The following CHRM3 variants were observed in gnomAD, a reference collection of about 807,000 sequenced individuals.
CHRM3 encodes muscarinic acetylcholine receptor M3.
CHRM3 carries 11 observed loss-of-function variants against 41.8 expected under a neutral mutation model. The observed-to-expected ratio is 0.26, with a 90% confidence interval of 0.17 to 0.44. The LOEUF (loss-of-function observed/expected upper bound fraction) is 0.44, where lower values mean the gene tolerates loss of function less well. CHRM3 is among the 20% of genes least tolerant of loss of function. The pLI is 1.00. For missense variants in CHRM3, 571 were observed against 745.4 expected (o/e 0.77, Z 2.72); for synonymous variants, 297 against 301.4 (o/e 0.99, Z 0.15).
intron 5 of CHRM3, among the ~76,000 whole-genome samples, chr1:239,826,170 AATGGTTAAC>A (rs1264511902): frequency 6.6e-6 from 1 of 152,202 alleles, no homozygotes; most frequent in Non-Finnish European, 1.5e-5. Flanking sequence ...TTTTACACCT[AATGGTTAAC>A]ATGGTAAATT....
chr1:239,810,063 G>T (rs1482377533), intron 5 of CHRM3, among the ~76,000 whole-genome samples: 3 of 152,194 alleles, frequency 2.0e-5, no homozygotes, highest in Admixed American at 6.5e-5. Context: ...CGTATGGAAT[G>T]CAGCCACCAT....
chr1:239,848,128 T>C (rs2149207872), intron 6 of CHRM3, among the ~76,000 whole-genome samples: 1 of 152,250 alleles, frequency 6.6e-6, no homozygotes, highest in Non-Finnish European at 1.5e-5. Context: ...ATATATCCAT[T>C]CATCCATGGC....
At chr1:239,650,636 A>G (rs1558420079) in intron 4 of CHRM3, among the ~76,000 whole-genome samples, 1 of 152,226 alleles carries the variant, frequency 6.6e-6, no homozygotes, top group African/African-American at 2.4e-5. Flanking sequence ...GCCCAGGACA[A>G]GCATTTCATT....
At chr1:239,810,562 C>G (rs1405775395) in intron 5 of CHRM3, among the ~76,000 whole-genome samples, 5 of 152,204 alleles carry the variant, frequency 3.3e-5, no homozygotes. Flanking sequence ...AGAATTTCAA[C>G]CCATGTCACT....
At chr1:239,763,282 A>T (rs372171887) in intron 5 of CHRM3, among the ~76,000 whole-genome samples, 1 of 152,224 alleles carries the variant, frequency 6.6e-6, no homozygotes, top group African/African-American at 2.4e-5. Context: ...AACATTCACT[A>T]GATTTTCAAT....
rs1207002284 is a variant in CHRM3, at chr1:239,589,804, GT to G, written c.-312-42413del. On this transcript the variant is annotated intron_variant, in intron 3 of 6. Transcript: ENST00000676153. ...GGCTGTTGATAGTTTTATATATATA[GT>G]TTTTTTATGTATATAGTTATATATA... Among the ~76,000 whole-genome samples, 3 of 150,640 alleles carry G rather than the reference GT, an allele frequency of 2.0e-5. 1 individual carries two copies. The highest frequency in any genetic ancestry group is 2.0e-4 in the East Asian group (1 of 5,074).
intron 1 of CHRM3, among the ~76,000 whole-genome samples, chr1:239,411,977 T>C (rs1455270909): frequency 6.6e-6 from 1 of 151,760 alleles, no homozygotes; most frequent in South Asian, 2.1e-4. Context: ...GTTTTGCTTT[T>C]TGGCTTTTAG....
At chr1:239,504,617 G>A (rs553242640) in intron 2 of CHRM3, among the ~76,000 whole-genome samples, 2 of 152,278 alleles carry the variant, frequency 1.3e-5, no homozygotes, top group Admixed American at 1.3e-4. Flanking sequence ...TTGCACACAT[G>A]TTTATAGCAG....
intron 3 of CHRM3, among the ~76,000 whole-genome samples, chr1:239,602,090 A>ACATACATATATACATGTGTG (rs1553337602): frequency 7.6e-6 from 1 of 131,232 alleles, no homozygotes; most frequent in Non-Finnish European, 1.5e-5. Context: ...ACATATATAC[A>ACATACATATATACATGTGTG]TGTGTGTGTG....
chr1:239,686,675 T>A (rs2149122938), intron 5 of CHRM3, among the ~76,000 whole-genome samples: 1 of 152,352 alleles, frequency 6.6e-6, no homozygotes, highest in South Asian at 2.1e-4. Context: ...ACTTTGTCCC[T>A]AATGGCAGTG....
chr1:239,820,234 G>A (rs1671927536), intron 5 of CHRM3, among the ~76,000 whole-genome samples: 2 of 152,168 alleles, frequency 1.3e-5, no homozygotes, highest in African/African-American at 4.8e-5. Context: ...TATCCCAGTG[G>A]TGCACAGACG....
chr1:239,746,825 T>C (rs1486114777), intron 5 of CHRM3, among the ~76,000 whole-genome samples: 1 of 152,088 alleles, frequency 6.6e-6, no homozygotes, highest in East Asian at 1.9e-4. Context: ...TGGCATGATC[T>C]TGGCTCACTG....
chr1:239,572,886 G>T (rs980286338), intron 3 of CHRM3, among the ~76,000 whole-genome samples: 6 of 152,162 alleles, frequency 3.9e-5, no homozygotes, highest in African/African-American at 1.4e-4. Context: ...TACTTTACAT[G>T]TAGTCTTCCT....
At chr1:239,868,668 T>G (rs1676323184) in intron 6 of CHRM3, among the ~76,000 whole-genome samples, 1 of 152,104 alleles carries the variant, frequency 6.6e-6, no homozygotes, top group Non-Finnish European at 1.5e-5. Context: ...CCCAGCTGAA[T>G]AAAGAAGACA....
At chr1:239,846,806 G>C (rs112704578) in intron 6 of CHRM3, among the ~76,000 whole-genome samples, 19 of 152,262 alleles carry the variant, frequency 1.2e-4, no homozygotes, top group African/African-American at 4.3e-4. Context: ...GACTATAAAT[G>C]GTGAATTCCC....
intron 5 of CHRM3, among the ~76,000 whole-genome samples, chr1:239,825,120 G>A (rs955360871): frequency 6.6e-5 from 10 of 152,280 alleles, no homozygotes; most frequent in African/African-American, 1.7e-4. Flanking sequence ...ACAGTCCAGC[G>A]GATGCCTTTT....
At chr1:239,860,662 G>C (rs1157940687) in intron 6 of CHRM3, among the ~76,000 whole-genome samples, 1 of 152,166 alleles carries the variant, frequency 6.6e-6, no homozygotes, top group African/African-American at 2.4e-5. Context: ...TTTTCTGCAT[G>C]AGGCAGAGTT....
chr1:239,697,102 ATGC>A (rs1164400136), intron 5 of CHRM3, among the ~76,000 whole-genome samples: 3 of 152,192 alleles, frequency 2.0e-5, no homozygotes, highest in African/African-American at 7.2e-5. Flanking sequence ...TAAAGTAAAT[ATGC>A]AAGTAATATC....
rs1461215735 is a variant in CHRM3, at chr1:239,816,236, C to CCT, written c.-146-11014_-146-11013dup. Among the ~76,000 whole-genome samples the CCT allele has an allele frequency of 2.1e-4, 32 of 152,274 alleles. No individual in the cohort carries two copies. In the East Asian group the frequency reaches 6.2e-3, roughly 30 times the overall value. On this transcript the variant is annotated intron_variant, in intron 5 of 6. Transcript: ENST00000676153. ...TTTGCGATTGATGGCTGCTGCTGCC[C>CCT]CTCCCATGAGGCTGATTCAGGCCAA...
Sources: allele counts gnomAD v4.1 joint callset (sites outside exome capture counted in the v4.1 genomes callset), GRCh38; gene constraint gnomAD v4.1.1; transcripts MANE v1.5; gene names NCBI Gene and HGNC (gene_info 2026-07-23, HGNC 2026-07-21).